Variants in PTPRJ observed in about 807,000 individuals in gnomAD.
PTPRJ encodes receptor-type tyrosine-protein phosphatase eta.
Under a neutral mutation model 141.3 loss-of-function variants are expected in PTPRJ, and 129 were observed. The observed-to-expected ratio is 0.91, with a 90% CI of 0.79 to 1.06. PTPRJ has a LOEUF of 1.06. Ranked by LOEUF, PTPRJ falls within the 50% of genes least tolerant of loss-of-function variation. The pLI, the probability that PTPRJ is intolerant of heterozygous loss-of-function variation, is 0.00. For synonymous variants in PTPRJ, 610 were observed against 640.5 expected (o/e 0.95, Z 0.72); for missense variants, 1,601 against 1,679.7 (o/e 0.95, Z 0.82).
At chr11:48,014,697 A>ATTTTTT (rs1311955285) in intron 1 of PTPRJ, 2 of 151,662 alleles carry the variant, frequency 1.3e-5, no homozygotes. Flanking sequence ...TAGATGGACT[A>ATTTTTT]TTTTATTTTA....
chr11:48,125,164 C>T lies in PTPRJ; in HGVS notation c.1071C>T (p.Pro357=). Residue 357 remains proline, a synonymous_variant, in exon 6 of 25, where the codon CCC becomes CCT. Transcript: ENST00000418331. ...SQAANGTEGQ[P]QAIEFRTNAI... ...CAGCGAATGGCACAGAAGGACAGCC[C>T]CAGGCCATAGAGTTCAGGACAAGTA... is the stretch of plus-strand genomic sequence containing the variant. 1 of 1,614,066 alleles carries T rather than the reference C, an allele frequency of 6.2e-7. No individual in the cohort carries two copies. The highest frequency in any genetic ancestry group is 8.5e-7 in the Non-Finnish European group (1 of 1,180,014).
At position 48,162,892 on chromosome 11, in the gene PTPRJ, C is replaced by T. The variant is rs1005906999; in HGVS notation, c.3559-566C>T. ...TTTTTGGGGGAGTCCTTTCTCAGCT[C>T]TCTCCAATTCTAAATATTTGCATGG... On this transcript the variant is annotated intron_variant, in intron 22 of 24. Coordinates refer to ENST00000418331, the MANE Select transcript of PTPRJ (RefSeq NM_002843.4). Among the ~76,000 whole-genome samples the T allele has an allele frequency of 4.6e-5, 7 of 152,216 alleles. No individual in the cohort carries two copies. The East Asian group carries it at 1.3e-3, about 29-fold the overall frequency.
intron 1 of PTPRJ, among the ~76,000 whole-genome samples, chr11:48,081,423 C>A (rs1245770082): frequency 2.0e-5 from 3 of 152,152 alleles, no homozygotes; most frequent in Non-Finnish European, 2.9e-5. Flanking sequence ...GCAAGGCAAA[C>A]AGGGAGGAGA....
chr11:48,046,043 G>C (rs979193244), intron 1 of PTPRJ, among the ~76,000 whole-genome samples: 2 of 152,106 alleles, frequency 1.3e-5, no homozygotes, highest in Middle Eastern at 3.4e-3. Context: ...AGTTCCATAC[G>C]TTAGCTCATT....
At chr11:48,132,173 C>G (rs1338357195) in intron 8 of PTPRJ, 35 of 985,284 alleles carry the variant, frequency 3.6e-5, no homozygotes, top group Admixed American at 6.2e-5. Flanking sequence ...GTGGACTGTT[C>G]ACAGTCTTTC....
At chr11:48,081,441 C>T (rs1855554754) in intron 1 of PTPRJ, among the ~76,000 whole-genome samples, 1 of 152,154 alleles carries the variant, frequency 6.6e-6, no homozygotes, top group African/African-American at 2.4e-5. Context: ...AGAGGAAGCT[C>T]CATGTGGGGC....
intron 13 of PTPRJ, 38 bp downstream of exon 13, chr11:48,144,923 C>T: frequency 6.2e-7 from 1 of 1,613,798 alleles, no homozygotes. Flanking sequence ...GGGGCTGAGC[C>T]TCATGAGCAT....
chr11:48,163,423 T>G (rs1431876187), intron 22 of PTPRJ, 35 bp from the exon 23 acceptor site: 3 of 370,052 alleles, frequency 8.1e-6, no homozygotes, highest in Admixed American at 2.2e-4. Context: ...AGGCAGCCTT[T>G]CTGTCTGGAT....
chr11:48,042,364 C>T (rs753938437), intron 1 of PTPRJ, among the ~76,000 whole-genome samples: 5 of 152,222 alleles, frequency 3.3e-5, no homozygotes, highest in Non-Finnish European at 5.9e-5. Flanking sequence ...GGGGCCAGCA[C>T]GTGGTGTATT....
chr11:48,071,198 T>C (rs1855238359), intron 1 of PTPRJ, among the ~76,000 whole-genome samples: 1 of 152,246 alleles, frequency 6.6e-6, no homozygotes, highest in South Asian at 2.1e-4. Flanking sequence ...CGAACAGATA[T>C]AATAAGCTCA....
intron 8 of PTPRJ, among the ~76,000 whole-genome samples, chr11:48,135,041 T>A (rs1857059352): frequency 6.6e-6 from 1 of 152,130 alleles, no homozygotes; most frequent in Non-Finnish European, 1.5e-5. Flanking sequence ...AGATATAATA[T>A]ACATACCGAA....
At chr11:48,090,535 G>C (rs538445617) in intron 1 of PTPRJ, among the ~76,000 whole-genome samples, 1 of 152,310 alleles carries the variant, frequency 6.6e-6, no homozygotes, top group African/African-American at 2.4e-5. Context: ...TGGCACCTCT[G>C]TTGTCCTCCC....
chr11:48,142,822 T>G, intron 11 of PTPRJ, 97 bp from the exon 12 acceptor site: 1 of 1,394,552 alleles, frequency 7.2e-7, no homozygotes, highest in Non-Finnish European at 9.6e-7. Flanking sequence ...GCTTCCAGAG[T>G]AAGATCTTGA....
chr11:48,042,759 GGTGTGT>G (rs757012527), intron 1 of PTPRJ, among the ~76,000 whole-genome samples: 10 of 146,392 alleles, frequency 6.8e-5, no homozygotes, highest in Non-Finnish European at 1.4e-4. Context: ...TGTGTGTAGG[GGTGTGT>G]GTGTGTGTGT....
At chr11:47,991,203 C>T (rs937840941) in intron 1 of PTPRJ, among the ~76,000 whole-genome samples, 1 of 152,032 alleles carries the variant, frequency 6.6e-6, no homozygotes, top group African/African-American at 2.4e-5. Context: ...ATTAAGTGAC[C>T]ACCAGGTGTG....
chr11:48,077,369 G>A (rs1855430556), intron 1 of PTPRJ, among the ~76,000 whole-genome samples: 1 of 152,158 alleles, frequency 6.6e-6, no homozygotes, highest in African/African-American at 2.4e-5. Context: ...GGTGTGGGCT[G>A]AAAGAGAAGA....
At chr11:48,032,321 GCCTAAC>G (rs1854004958) in intron 1 of PTPRJ, among the ~76,000 whole-genome samples, 1 of 152,218 alleles carries the variant, frequency 6.6e-6, no homozygotes, top group African/African-American at 2.4e-5. Context: ...AAGCTGAGAA[GCCTAAC>G]CCAACTCTGA....
rs1854576831 is a variant in PTPRJ, at chr11:48,051,747, C to T, written c.97-58311C>T. 2.0e-5 allele frequency among the ~76,000 whole-genome samples: 3 copies of T among 152,200 alleles called. No individual in the cohort carries two copies. In the South Asian group the frequency reaches 6.2e-4, roughly 32 times the overall value. On this transcript the variant is annotated intron_variant, in intron 1 of 24. Transcript: ENST00000418331. The stretch of plus-strand genomic sequence containing the variant: ...TACATAAACTTTTTGGGGCTCAGCT[C>T]CCTCATCTGAAAATCAGAAAATGAT...
chr11:48,055,569 C>G (rs1252738190), intron 1 of PTPRJ, among the ~76,000 whole-genome samples: 1 of 152,232 alleles, frequency 6.6e-6, no homozygotes, highest in South Asian at 2.1e-4. Flanking sequence ...CAGTGCCACC[C>G]TCTACTCCAC....
Sources: allele counts gnomAD v4.1 joint callset (sites outside exome capture counted in the v4.1 genomes callset), GRCh38; gene constraint gnomAD v4.1.1; transcripts MANE v1.5; gene names NCBI Gene and HGNC (gene_info 2026-07-23, HGNC 2026-07-21).